Variants in THSD4 observed in about 807,000 individuals in gnomAD.
The protein encoded by THSD4 is thrombospondin type 1 domain containing 4.
THSD4 carries 69 observed loss-of-function variants against 119.0 expected under a neutral mutation model. That is an observed-to-expected ratio of 0.58 (90% CI 0.48 to 0.71). THSD4 has a LOEUF of 0.71. Ranked by LOEUF, THSD4 falls within the 30% of genes least tolerant of loss-of-function variation. The pLI, the probability that THSD4 is intolerant of heterozygous loss-of-function variation, is 0.00. For missense variants in THSD4, 1,393 were observed against 1,391.1 expected, an observed-to-expected ratio of 1.00 and a Z score of -0.02; for synonymous variants, 524 against 540.4, an observed-to-expected ratio of 0.97 and a Z score of 0.42.
intron 7 of THSD4, among the ~76,000 whole-genome samples, chr15:71,423,167 C>T (rs1488802016): frequency 2.0e-5 from 3 of 152,004 alleles, no homozygotes; most frequent in African/African-American, 7.2e-5. Context: ...CAAGAGCCCA[C>T]TTGGTACTGT....
chr15:71,651,739 T>C (rs938199794), intron 7 of THSD4, among the ~76,000 whole-genome samples: 2 of 152,250 alleles, frequency 1.3e-5, no homozygotes, highest in African/African-American at 2.4e-5. Flanking sequence ...ACAGTAAATA[T>C]GCAGTCAGCC....
intron 6 of THSD4, among the ~76,000 whole-genome samples, chr15:71,357,696 C>T (rs974010768): frequency 2.2e-4 from 33 of 152,068 alleles, no homozygotes; most frequent in African/African-American, 7.7e-4. Flanking sequence ...GGGGAGTGCA[C>T]ATCAGGATCA....
intron 8 of THSD4, among the ~76,000 whole-genome samples, chr15:71,666,864 A>G (rs2051427417): frequency 6.6e-6 from 1 of 152,238 alleles, no homozygotes; most frequent in African/African-American, 2.4e-5. Context: ...TACTAGACTC[A>G]GATTCTGAAG....
chr15:71,514,443 T>G (rs548623240), intron 7 of THSD4, among the ~76,000 whole-genome samples: 3 of 152,280 alleles, frequency 2.0e-5, no homozygotes, highest in African/African-American at 7.2e-5. Context: ...ATGGGATTTT[T>G]ATCATCATAG....
At chr15:71,409,170 A>G (rs2046650149) in intron 6 of THSD4, among the ~76,000 whole-genome samples, 1 of 146,758 alleles carries the variant, frequency 6.8e-6, no homozygotes, top group Non-Finnish European at 1.5e-5. Flanking sequence ...CCCCCTCAGA[A>G]TGTTCTTCTG....
At chr15:71,338,321 A>G (rs1434318393) in intron 6 of THSD4, among the ~76,000 whole-genome samples, 1 of 140,748 alleles carries the variant, frequency 7.1e-6, no homozygotes, top group Admixed American at 7.4e-5. Flanking sequence ...GTAGGACAGG[A>G]AGATCTGAAA....
At chr15:71,141,804 T>C (rs2040607593) in intron 2 of THSD4, among the ~76,000 whole-genome samples, 3 of 152,158 alleles carry the variant, frequency 2.0e-5, no homozygotes, top group Non-Finnish European at 1.5e-5. Flanking sequence ...TTCTGTAGGC[T>C]TCAAGAAAAT....
intron 6 of THSD4, among the ~76,000 whole-genome samples, chr15:71,290,892 T>G (rs1393756518): frequency 1.4e-5 from 2 of 145,930 alleles, no homozygotes; most frequent in African/African-American, 2.5e-5. Context: ...TTTTTTTTTT[T>G]GTTAACTTTT....
chr15:71,711,873 GCATCTAA>G (rs2052524085), intron 8 of THSD4, among the ~76,000 whole-genome samples: 1 of 152,250 alleles, frequency 6.6e-6, no homozygotes, highest in East Asian at 1.9e-4. Flanking sequence ...AAAGGTATAT[GCATCTAA>G]ACAGCAAAAC....
rs549865488 is a variant in THSD4 at position 71,526,002 on chromosome 15, G to A, written c.1152+114179G>A. ...TGAATTAGTAGAACCAAGGAAATAAGAACCGACCCTATTCGGTTACATCTG... is the reference window on the plus strand; with the variant it reads ...TGAATTAGTAGAACCAAGGAAATAAAAACCGACCCTATTCGGTTACATCTG... On this transcript the variant is annotated intron_variant, in intron 7 of 17. Coordinates refer to ENST00000261862, the MANE Select transcript of THSD4 (RefSeq NM_024817.3). Among the ~76,000 whole-genome samples the A allele has an allele frequency of 3.3e-5, 5 of 152,256 alleles. No individual in the cohort carries two copies. In the South Asian group the frequency reaches 1.0e-3, roughly 32 times the overall value.
chr15:71,365,523 G>A (rs1007422435), intron 6 of THSD4, among the ~76,000 whole-genome samples: 4 of 152,078 alleles, frequency 2.6e-5, no homozygotes, highest in African/African-American at 4.8e-5. Context: ...ATCTGCTGAC[G>A]CTTTGTAAAA....
intron 3 of THSD4, among the ~76,000 whole-genome samples, chr15:71,192,718 C>T (rs559640244): frequency 6.6e-6 from 1 of 152,286 alleles, no homozygotes; most frequent in Middle Eastern, 3.4e-3. Context: ...TAGCATGCTT[C>T]CTTGCTAGAG....
intron 7 of THSD4, among the ~76,000 whole-genome samples, chr15:71,432,017 C>A (rs138951688): frequency 2.8e-3 from 433 of 151,988 alleles, no homozygotes; most frequent in African/African-American, 0.01. Flanking sequence ...ACAAAGAGAT[C>A]TGGTTATTTT....
In THSD4 at chr15:71,258,512, G is replaced by A. The variant is rs552939525; in HGVS notation, c.1015+1797G>A. On this transcript the variant is annotated intron_variant, in intron 6 of 17. Coordinates refer to ENST00000261862, the MANE Select transcript of THSD4 (RefSeq NM_024817.3). ...GTTTTGTAACATGTTAACATTATGC[G>A]AAGCTGGGTAAAGAAAGGGTATACA... Among the ~76,000 whole-genome samples, 5 of 152,258 alleles carry A rather than the reference G, an allele frequency of 3.3e-5. No individual in the cohort carries two copies. The South Asian group carries it at 6.2e-4, about 19-fold the overall frequency.
intron 5 of THSD4, among the ~76,000 whole-genome samples, chr15:71,250,168 C>T (rs1880375735): frequency 6.6e-6 from 1 of 152,170 alleles, no homozygotes; most frequent in Non-Finnish European, 1.5e-5. Context: ...ATCCTCATTA[C>T]TGTCAACACC....
chr15:71,587,804 A>G (rs867205740), intron 7 of THSD4, among the ~76,000 whole-genome samples: 21 of 125,628 alleles, frequency 1.7e-4, no homozygotes, highest in Admixed American at 6.1e-4. Context: ...AAAAAAGAAA[A>G]AAAAAAAAGA....
intron 7 of THSD4, among the ~76,000 whole-genome samples, chr15:71,634,588 A>C (rs1337622206): frequency 6.6e-6 from 1 of 152,218 alleles, no homozygotes; most frequent in Non-Finnish European, 1.5e-5. Flanking sequence ...CCAGGGCATC[A>C]GTCACGCAGG....
intron 6 of THSD4, among the ~76,000 whole-genome samples, chr15:71,304,691 A>G (rs2044999416): frequency 6.6e-6 from 1 of 152,268 alleles, no homozygotes; most frequent in South Asian, 2.1e-4. Flanking sequence ...AGGAGTTTCC[A>G]ATGTTCTCCA....
intron 7 of THSD4, among the ~76,000 whole-genome samples, chr15:71,583,786 C>G (rs2049603545): frequency 6.6e-6 from 1 of 152,148 alleles, no homozygotes; most frequent in Non-Finnish European, 1.5e-5. Context: ...TATAATTACA[C>G]TCTTCTTAAA....
Sources: gnomAD v4.1 joint callset for allele counts (sites outside exome capture counted in the v4.1 genomes callset) on GRCh38, gnomAD v4.1.1 for gene constraint, MANE v1.5 for transcripts, NCBI Gene and HGNC (gene_info 2026-07-23, HGNC 2026-07-21) for gene names.